The following BCKDHB variants were observed in gnomAD, a reference collection of about 807,000 sequenced individuals.
BCKDHB encodes 2-oxoisovalerate dehydrogenase subunit beta, mitochondrial.
In BCKDHB, 41 loss-of-function variants were observed where a neutral mutation model predicts 48.5. The observed-to-expected ratio is 0.85, with a 90% CI of 0.66 to 1.10. BCKDHB has a LOEUF of 1.10. Among genes scored for constraint, BCKDHB ranks in the 50% least tolerant of loss-of-function variants. BCKDHB has a pLI of 0.00. For synonymous variants in BCKDHB, 201 were observed against 174.8 expected, an observed-to-expected ratio of 1.15 and a Z score of -1.18; for missense variants, 496 against 494.2, an observed-to-expected ratio of 1.00 and a Z score of -0.03.
At chr6:80,151,385 G>T (rs755780522) in intron 3 of BCKDHB, among the ~76,000 whole-genome samples, 6 of 151,730 alleles carry the variant, frequency 4.0e-5, no homozygotes, top group Non-Finnish European at 7.4e-5. Flanking sequence ...TTCAGATTTA[G>T]AATATAATGA....
chr6:80,219,780 G>A (rs1418104889), intron 8 of BCKDHB, among the ~76,000 whole-genome samples: 1 of 152,164 alleles, frequency 6.6e-6, no homozygotes, highest in African/African-American at 2.4e-5. Context: ...TTGATATTTG[G>A]CTGCGTATAG....
chr6:80,137,141 G>T (rs913892953), intron 3 of BCKDHB, among the ~76,000 whole-genome samples: 8 of 152,244 alleles, frequency 5.3e-5, no homozygotes, highest in African/African-American at 1.9e-4. Flanking sequence ...AGTTAGCATA[G>T]AAAATGGAAT....
the BCKDHB span, among the ~76,000 whole-genome samples, chr6:80,366,398 C>A: frequency 6.6e-6 from 1 of 152,142 alleles, no homozygotes; most frequent in African/African-American, 2.4e-5. Flanking sequence ...CTGTCTAGTG[C>A]AACCCTAGCA....
Position 80,120,400 on chromosome 6 carries a change from T to C in BCKDHB, c.197-7147T>C, listed in dbSNP as rs1332125654. Among the ~76,000 whole-genome samples, 4 of 152,216 alleles carry C rather than the reference T, an allele frequency of 2.6e-5. No individual in the cohort carries two copies. In the East Asian group the frequency reaches 7.7e-4, roughly 29 times the overall value. On this transcript the variant is annotated intron_variant, in intron 1 of 9. Transcript: ENST00000320393. ...CCAGTAATGGGATTGTTGGGTCAAA[T>C]GGTAATTCTAGTTCTAGATCCTTGA...
At chr6:80,240,336 G>A (rs976254562) in intron 8 of BCKDHB, among the ~76,000 whole-genome samples, 1 of 152,098 alleles carries the variant, frequency 6.6e-6, no homozygotes, top group Non-Finnish European at 1.5e-5. Flanking sequence ...GCAGTGGTTT[G>A]TAGTTCTCCT....
chr6:80,412,864 T>C, the BCKDHB span, among the ~76,000 whole-genome samples: 1 of 152,224 alleles, frequency 6.6e-6, no homozygotes, highest in East Asian at 1.9e-4. Flanking sequence ...ACCTGCAGGG[T>C]AATCTGCTGA....
At chr6:80,384,118 G>A in the BCKDHB span, among the ~76,000 whole-genome samples, 7 of 152,140 alleles carry the variant, frequency 4.6e-5, no homozygotes, top group African/African-American at 1.7e-4. Context: ...GATCCTGGGT[G>A]TATCTGTGAG....
intron 9 of BCKDHB, among the ~76,000 whole-genome samples, chr6:80,317,798 C>G (rs1768525435): frequency 6.6e-6 from 1 of 152,196 alleles, no homozygotes; most frequent in African/African-American, 2.4e-5. Context: ...TCTCTTCTAC[C>G]TCACCACAGT....
chr6:80,424,474 C>T, the BCKDHB span, among the ~76,000 whole-genome samples: 1 of 152,112 alleles, frequency 6.6e-6, no homozygotes, highest in Non-Finnish European at 1.5e-5. Flanking sequence ...GCAACTACAT[C>T]ATTTGATATT....
intron 6 of BCKDHB, 100 bp downstream of exon 6, chr6:80,171,490 A>G: frequency 1.4e-6 from 1 of 693,206 alleles, no homozygotes; most frequent in Non-Finnish European, 2.3e-6. Flanking sequence ...GTTGATTTAT[A>G]TTTTCCTTGT....
chr6:80,262,198 T>C lies in BCKDHB; in HGVS notation c.952-10937T>C, dbSNP rs546302235. On this transcript the variant is annotated intron_variant, in intron 8 of 9. Transcript: ENST00000320393. ...AAAATTAGTGAAGCAGTATGCAACCTATGGTAGCTGTGGAAGGGATTTAAA... is the reference window on the plus strand; with the variant it reads ...AAAATTAGTGAAGCAGTATGCAACCCATGGTAGCTGTGGAAGGGATTTAAA... 6.6e-5 allele frequency among the ~76,000 whole-genome samples: 10 copies of C among 152,290 alleles called. No homozygotes were observed. The South Asian group carries it at 2.1e-3, about 32-fold the overall frequency.
Position 80,306,760 on chromosome 6 carries a change from G to A in BCKDHB, c.1038+33539G>A, listed in dbSNP as rs1767898956. Among the ~76,000 whole-genome samples, 4 of 152,114 alleles carry A rather than the reference G, an allele frequency of 2.6e-5. No homozygotes were observed. In the South Asian group the frequency reaches 8.3e-4, roughly 32 times the overall value. Reference sequence around the variant, plus strand: ...TTTCATTTTTTCATGGAGTCTTACAGCTGTGGATTCATAGCAGGCTTGAGT... The same window carrying A: ...TTTCATTTTTTCATGGAGTCTTACAACTGTGGATTCATAGCAGGCTTGAGT... On this transcript the variant is annotated intron_variant, in intron 9 of 9. Transcript: ENST00000320393.
chr6:80,369,111 A>G, the BCKDHB span, among the ~76,000 whole-genome samples: 1 of 12,290 alleles, frequency 8.1e-5, no homozygotes, highest in Admixed American at 2.0e-3. Flanking sequence ...TATTATTTGT[A>G]TTCTTTGTTG....
the BCKDHB span, among the ~76,000 whole-genome samples, chr6:80,437,224 A>G: frequency 6.6e-6 from 1 of 152,214 alleles, no homozygotes; most frequent in South Asian, 2.1e-4. Flanking sequence ...AGTAAAGAAA[A>G]AAAAATTCTT....
intron 9 of BCKDHB, among the ~76,000 whole-genome samples, chr6:80,315,667 T>G (rs187228969): frequency 6.6e-6 from 1 of 152,156 alleles, no homozygotes; most frequent in African/African-American, 2.4e-5. Flanking sequence ...CTCCCAGGTT[T>G]GAATGCAGTG....
At chr6:80,341,967 G>A (rs1334410391) in intron 9 of BCKDHB, among the ~76,000 whole-genome samples, 1 of 152,162 alleles carries the variant, frequency 6.6e-6, no homozygotes, top group African/African-American at 2.4e-5. Context: ...TAAACCGTGT[G>A]TATTAAAAGT....
At chr6:80,319,879 C>G (rs1307926949) in intron 9 of BCKDHB, among the ~76,000 whole-genome samples, 2 of 152,050 alleles carry the variant, frequency 1.3e-5, no homozygotes, top group African/African-American at 4.8e-5. Context: ...AAGATCAGTT[C>G]TTTTAGGGAT....
intron 9 of BCKDHB, among the ~76,000 whole-genome samples, chr6:80,301,784 A>T (rs900097421): frequency 6.6e-6 from 1 of 152,156 alleles, no homozygotes; most frequent in Non-Finnish European, 1.5e-5. Flanking sequence ...GCACATCAAA[A>T]AGTTAATACA....
At chr6:80,368,164 C>G in the BCKDHB span, among the ~76,000 whole-genome samples, 1 of 152,170 alleles carries the variant, frequency 6.6e-6, no homozygotes, top group Non-Finnish European at 1.5e-5. Flanking sequence ...TGTCTTGCTC[C>G]CAGTTTTTCC....
Sources: allele counts gnomAD v4.1 joint callset (sites outside exome capture counted in the v4.1 genomes callset), GRCh38; gene constraint gnomAD v4.1.1; transcripts MANE v1.5; gene names NCBI Gene and HGNC (gene_info 2026-07-23, HGNC 2026-07-21).